Variants in CBLN2 observed in about 807,000 individuals in gnomAD.
The protein encoded by CBLN2 is cerebellin 2 precursor.
CBLN2 carries 7 observed loss-of-function variants against 15.0 expected under a neutral mutation model. The ratio of observed to expected loss-of-function variants is 0.47; its 90% confidence interval spans 0.27 to 0.88. The LOEUF is 0.88. CBLN2 is among the 40% of genes least tolerant of loss of function. The probability of loss-of-function intolerance (pLI) is 0.14; values close to 1 mark genes in which losing one functional copy is unlikely to be tolerated. For missense variants in CBLN2, 242 were observed against 304.5 expected (o/e 0.79, Z 1.53); for synonymous variants, 149 against 135.2 (o/e 1.10, Z -0.71).
At chr18:72,569,221 T>C (rs985385100) in intron 1 of CBLN2, among the ~76,000 whole-genome samples, 1 of 152,152 alleles carries the variant, frequency 6.6e-6, no homozygotes, top group African/African-American at 2.4e-5. Context: ...TTTTTAAAAA[T>C]AATAATAGTA....
At chr18:72,633,556 T>C (rs2069791165) in intron 1 of CBLN2, among the ~76,000 whole-genome samples, 1 of 152,138 alleles carries the variant, frequency 6.6e-6, no homozygotes, top group South Asian at 2.1e-4. Flanking sequence ...CATGCATAGG[T>C]AGAAAGGTAT....
chr18:72,593,550 A>G (rs184139216), intron 1 of CBLN2, among the ~76,000 whole-genome samples: 7 of 152,286 alleles, frequency 4.6e-5, no homozygotes, highest in Admixed American at 1.3e-4. Context: ...TCAGTGTTGA[A>G]TAACAGTGAT....
Position 72,537,986 on chromosome 18 carries a change from C to T in CBLN2, c.*190G>A, listed in dbSNP as rs889462907. 23 of 612,168 alleles carry T rather than the reference C, an allele frequency of 3.8e-5. No homozygotes were observed. Among genetic ancestry groups the T allele is most frequent in the South Asian group, 2.0e-4 (10 of 48,814 alleles). 37.9% of individuals were successfully genotyped at this position (612,168 alleles called of 1,614,324 possible). Reference sequence around the variant, plus strand: ...TAAAACTAATTAGAGGCCAGGTTCCCGAGGAATTGTCAGTATTCCAAAAAA... The same window carrying T: ...TAAAACTAATTAGAGGCCAGGTTCCTGAGGAATTGTCAGTATTCCAAAAAA... On this transcript the variant is annotated 3_prime_UTR_variant, in exon 5 of 5. Transcript: ENST00000269503.
intron 1 of CBLN2, among the ~76,000 whole-genome samples, chr18:72,613,939 C>A (rs1280066392): frequency 6.6e-6 from 1 of 152,142 alleles, no homozygotes; most frequent in African/African-American, 2.4e-5. Flanking sequence ...TCTTCTAAGA[C>A]AATATATCCC....
At chr18:72,547,974 C>A (rs531071309), upstream of CBLN2, among the ~76,000 whole-genome samples, 36 of 152,292 alleles carry the variant, frequency 2.4e-4, no homozygotes, top group Non-Finnish European at 5.1e-4. Context: ...AGAAGACATA[C>A]CTACATCCTC....
chr18:72,624,789 A>T (rs2069724065), intron 1 of CBLN2, among the ~76,000 whole-genome samples: 1 of 152,184 alleles, frequency 6.6e-6, no homozygotes, highest in Non-Finnish European at 1.5e-5. Flanking sequence ...TTGGTCTGAC[A>T]ATTAGTGCTC....
chr18:72,618,302 G>A, intron 1 of CBLN2: 1 of 426,756 alleles, frequency 2.3e-6, no homozygotes, highest in Non-Finnish European at 4.4e-6. Context: ...AGCCCGATTA[G>A]CTGCGGGAGC....
Position 72,542,162 on chromosome 18 carries a change from G to T in CBLN2, c.-2C>A. The T allele has an allele frequency of 3.2e-6, 4 of 1,252,016 alleles. No homozygotes were observed. The highest frequency in any genetic ancestry group is 4.0e-6 in the Non-Finnish European group (4 of 1,002,524). 77.6% of individuals were successfully genotyped at this position (1,252,016 alleles called of 1,614,324 possible). A position where few individuals can be genotyped will look rare whatever the true frequency, so the allele number is the denominator to read the frequency against. On this transcript the variant is annotated 5_prime_UTR_variant, in exon 3 of 5. Coordinates refer to ENST00000269503, the MANE Select transcript of CBLN2 (RefSeq NM_182511.4). ...TGGCCCCCGGCCGGGCGCCTGCATCGGGACTGGTGGGAGGCGGCGCGCGGG... is the reference window on the plus strand; with the variant it reads ...TGGCCCCCGGCCGGGCGCCTGCATCTGGACTGGTGGGAGGCGGCGCGCGGG...
At position 72,569,355 on chromosome 18, in the gene CBLN2, T is replaced by C. The variant is rs202130728; in HGVS notation, c.16-30583A>G. Among the ~76,000 whole-genome samples, 18 of 152,338 alleles carry C rather than the reference T, an allele frequency of 1.2e-4. No individual in the cohort carries two copies. In the East Asian group the frequency reaches 3.3e-3, roughly 28 times the overall value. ...TTTAATGAAAATAATGATATTGTTT[T>C]ACATTTTTTCCAAATCTTTTCAGTA... On this transcript the variant is annotated intron_variant, in intron 1 of 2. Coordinates refer to the CBLN2 transcript ENST00000581073.
chr18:72,606,339 G>T lies in CBLN2; in HGVS notation c.15+31986C>A, dbSNP rs184168024. On this transcript the variant is annotated intron_variant, in intron 1 of 2. Transcript: ENST00000581073. ...ACTAATGTAGAACAGGTTAATGACA[G>T]ATTGGCATATTAACCAATATGGAAA... Among the ~76,000 whole-genome samples, 645 of 152,286 alleles carry T rather than the reference G, an allele frequency of 4.2e-3. 29 individuals are homozygous for T. The South Asian group carries it at 0.095, about 22-fold the overall frequency.
intron 1 of CBLN2, among the ~76,000 whole-genome samples, chr18:72,572,044 C>T (rs138426020): frequency 5.9e-5 from 9 of 152,290 alleles, no homozygotes; most frequent in African/African-American, 9.6e-5. Flanking sequence ...TGAGACTGTG[C>T]TCTCTAAATC....
At position 72,576,120 on chromosome 18, in the gene CBLN2, C is replaced by T. The variant is rs574435276; in HGVS notation, c.16-37348G>A. ...TAAAACTAACATTAAACTAAAACTC[C>T]GCAGTTTGCACATTTACAACGGCAG... On this transcript the variant is annotated intron_variant, in intron 1 of 2. Transcript: ENST00000581073. Among the ~76,000 whole-genome samples the T allele has an allele frequency of 9.9e-5, 15 of 152,234 alleles. No homozygotes were observed. The South Asian group carries it at 1.5e-3, about 15-fold the overall frequency.
intron 1 of CBLN2, among the ~76,000 whole-genome samples, chr18:72,579,804 A>AT (rs1228585252): frequency 1.3e-5 from 2 of 152,064 alleles, no homozygotes; most frequent in Admixed American, 6.6e-5. Context: ...AGTCTACTCA[A>AT]TTTTTTTCAA....
intron 1 of CBLN2, among the ~76,000 whole-genome samples, chr18:72,585,466 G>A (rs1004227849): frequency 1.8e-4 from 28 of 152,176 alleles, no homozygotes; most frequent in African/African-American, 6.8e-4. Context: ...TCAGGGTAGA[G>A]GAAACCCAGA....
At chr18:72,627,290 A>T (rs541995111) in intron 1 of CBLN2, among the ~76,000 whole-genome samples, 1 of 152,378 alleles carries the variant, frequency 6.6e-6, no homozygotes, top group Non-Finnish European at 1.5e-5. Flanking sequence ...GTAGCATAGC[A>T]CACAGTACAG....
At chr18:72,618,393 T>G in intron 1 of CBLN2, 1 of 559,678 alleles carries the variant, frequency 1.8e-6, no homozygotes, top group Non-Finnish European at 3.3e-6. Flanking sequence ...ACTCACAGAC[T>G]AGGCGGTCTT....
chr18:72,543,175 C>CGTCT lies in CBLN2; in HGVS notation c.-167+307_-167+310dup. 3.7e-6 allele frequency: 1 copy of CGTCT among 269,460 alleles called. No homozygotes were observed. Among genetic ancestry groups the CGTCT allele is most frequent in the East Asian group, 6.1e-5 (1 of 16,458 alleles). The allele number at this position is 269,460 out of a possible 1,614,324, so 16.7% of individuals were successfully genotyped here. The stretch of plus-strand genomic sequence containing the variant: ...GCAGGTTTCTGCGAACTTACGCGCC[C>CGTCT]GTCTGCACTTTTGCCCCGTCCCCGC... On this transcript the variant is annotated intron_variant, in intron 2 of 4. Coordinates refer to ENST00000269503, the MANE Select transcript of CBLN2 (RefSeq NM_182511.4). This position sits in a 1 kb window ranked among gnomAD's most constrained non-coding sequence, Gnocchi z 6.8.
intron 1 of CBLN2, among the ~76,000 whole-genome samples, chr18:72,581,560 C>T (rs1455147946): frequency 1.3e-5 from 2 of 152,070 alleles, no homozygotes; most frequent in South Asian, 4.1e-4. Flanking sequence ...TAACTTACAC[C>T]TGTTTGGAGC....
At position 72,609,241 on chromosome 18, in the gene CBLN2, T is replaced by C. The variant is rs191542172; in HGVS notation, c.15+29084A>G. The stretch of plus-strand genomic sequence containing the variant: ...TAGAAATTTTTATGGGCTCCCATAA[T>C]TTATATGTTGTATCTAAATCCACAG... On this transcript the variant is annotated intron_variant, in intron 1 of 2. Coordinates refer to the CBLN2 transcript ENST00000581073. Among the ~76,000 whole-genome samples, 9 of 152,318 alleles carry C rather than the reference T, an allele frequency of 5.9e-5. No homozygotes were observed. The East Asian group carries it at 1.7e-3, about 29-fold the overall frequency.
Sources: allele counts gnomAD v4.1 joint callset (sites outside exome capture counted in the v4.1 genomes callset), GRCh38; gene constraint gnomAD v4.1.1; non-coding constraint Gnocchi (gnomAD v3.1); transcripts MANE v1.5; gene names NCBI Gene and HGNC (gene_info 2026-07-23, HGNC 2026-07-21).